EPHB1: variants seen among roughly 807,000 people sequenced by gnomAD.
EPHB1 encodes ephrin type-B receptor 1.
EPHB1 carries 30 observed loss-of-function variants against 94.4 expected under a neutral mutation model. The ratio of observed to expected loss-of-function variants is 0.32; its 90% CI spans 0.24 to 0.43. EPHB1 has a LOEUF of 0.43. Ranked by LOEUF, EPHB1 falls within the 20% of genes least tolerant of loss-of-function variation. The pLI is 1.00. For missense variants in EPHB1, 1,055 were observed against 1,308.3 expected, an observed-to-expected ratio of 0.81 and a Z score of 2.99; for synonymous variants, 522 against 489.1, an observed-to-expected ratio of 1.07 and a Z score of -0.89.
At chr3:135,020,682 G>A (rs1176529850) in intron 3 of EPHB1, among the ~76,000 whole-genome samples, 1 of 152,100 alleles carries the variant, frequency 6.6e-6, no homozygotes, top group African/African-American at 2.4e-5. Flanking sequence ...TTCCCTTTGT[G>A]ATCTACCCCT....
intron 3 of EPHB1, among the ~76,000 whole-genome samples, chr3:135,009,746 C>A (rs370740925): frequency 6.6e-6 from 1 of 152,330 alleles, no homozygotes; most frequent in African/African-American, 2.4e-5. Flanking sequence ...TTCTTTTAAC[C>A]TAGTTTTAAT....
At chr3:135,013,446 A>G (rs1044571777) in intron 3 of EPHB1, among the ~76,000 whole-genome samples, 1 of 152,180 alleles carries the variant, frequency 6.6e-6, no homozygotes, top group East Asian at 1.9e-4. Flanking sequence ...CTATATCACC[A>G]CCGCATACCG....
At chr3:134,872,654 A>G (rs149275008) in intron 1 of EPHB1, among the ~76,000 whole-genome samples, 210 of 152,298 alleles carry the variant, frequency 1.4e-3, no homozygotes, top group Non-Finnish European at 2.4e-3. Context: ...CAATTTACTC[A>G]ATTACATGAG....
In EPHB1 at chr3:135,259,420, C is replaced by T; in HGVS notation, c.*300C>T. 4.0e-6 allele frequency: 1 copy of T among 251,608 alleles called. No individual in the cohort carries two copies. 15.6% of individuals were successfully genotyped at this position (251,608 alleles called of 1,614,324 possible). A position where few individuals can be genotyped will look rare whatever the true frequency, so the allele number is the denominator to read the frequency against. ...GGAGAACAAGAGTAAACCCAGCTCC[C>T]ATTCTCAGTGGGCTGCAGTTGCCCA... On this transcript the variant is annotated 3_prime_UTR_variant, in exon 16 of 16. Transcript: ENST00000398015.
At chr3:134,972,102 A>G (rs1281438200) in intron 3 of EPHB1, among the ~76,000 whole-genome samples, 4 of 152,108 alleles carry the variant, frequency 2.6e-5, no homozygotes. Flanking sequence ...AGAAAGTAGC[A>G]TGTCTGAGAA....
intron 2 of EPHB1, among the ~76,000 whole-genome samples, chr3:134,936,085 G>C (rs928785890): frequency 6.6e-6 from 1 of 152,158 alleles, no homozygotes; most frequent in South Asian, 2.1e-4. Context: ...CTGAAGGAGT[G>C]TGAGGAGAGG....
intron 5 of EPHB1, 108 bp from the exon 6 acceptor site, chr3:135,154,044 C>G (rs1012327554): frequency 2.2e-5 from 32 of 1,449,268 alleles, no homozygotes; most frequent in East Asian, 6.9e-5. Context: ...AAAGAAGGAG[C>G]AGAGTTCAAG....
At position 135,077,426 on chromosome 3, in the gene EPHB1, C is replaced by T. The variant is rs572581234; in HGVS notation, c.806-29022C>T. Among the ~76,000 whole-genome samples, 7 of 152,350 alleles carry T rather than the reference C, an allele frequency of 4.6e-5. No homozygotes were observed. The East Asian group carries it at 1.4e-3, about 29-fold the overall frequency. On this transcript the variant is annotated intron_variant, in intron 3 of 15. Coordinates refer to ENST00000398015, the MANE Select transcript of EPHB1 (RefSeq NM_004441.5). ...TTGCAGTCACAGACTTGCCCCTCTC[C>T]CTGCTCTGATGTCAGCCGTCCCTCT...
At chr3:135,104,226 A>C (rs1939128633) in intron 3 of EPHB1, among the ~76,000 whole-genome samples, 1 of 152,192 alleles carries the variant, frequency 6.6e-6, no homozygotes, top group Non-Finnish European at 1.5e-5. Flanking sequence ...ATTTATTAGG[A>C]AAAGAGCCAA....
chr3:134,882,700 TTTCC>T (rs1372984258), intron 1 of EPHB1, among the ~76,000 whole-genome samples: 3 of 151,630 alleles, frequency 2.0e-5, no homozygotes, highest in East Asian at 3.9e-4. Context: ...TCTTTCCTTC[TTTCC>T]TTCCTTCCTT....
chr3:134,863,065 G>A (rs1480766142), intron 1 of EPHB1, among the ~76,000 whole-genome samples: 1 of 152,214 alleles, frequency 6.6e-6, no homozygotes, highest in Non-Finnish European at 1.5e-5. Context: ...ATGGCCTCAT[G>A]CCACCTGGGT....
chr3:135,218,551 T>A (rs1943206205), intron 12 of EPHB1, among the ~76,000 whole-genome samples: 1 of 152,172 alleles, frequency 6.6e-6, no homozygotes. Context: ...ATCTCTCCAT[T>A]CTGGGCCCCA....
intron 3 of EPHB1, among the ~76,000 whole-genome samples, chr3:135,045,841 T>C (rs55891032): frequency 0.018 from 2,744 of 152,344 alleles, 95 homozygotes; most frequent in African/African-American, 0.063. Context: ...GCAATATTAA[T>C]GCAAAACTTT....
At chr3:134,970,527 G>A (rs1437437050) in intron 3 of EPHB1, among the ~76,000 whole-genome samples, 4 of 152,180 alleles carry the variant, frequency 2.6e-5, no homozygotes, top group African/African-American at 9.7e-5. Flanking sequence ...ACTGATTTAT[G>A]ATGTGTATTG....
At chr3:135,090,145 T>C (rs1938504779) in intron 3 of EPHB1, among the ~76,000 whole-genome samples, 1 of 152,234 alleles carries the variant, frequency 6.6e-6, no homozygotes. Context: ...TCTGTTGCAG[T>C]GGGAGGCCTC....
chr3:135,120,621 G>A (rs987191046), intron 4 of EPHB1, among the ~76,000 whole-genome samples: 1 of 152,174 alleles, frequency 6.6e-6, no homozygotes, highest in Non-Finnish European at 1.5e-5. Context: ...ACCCTGGAAA[G>A]TATACTTACC....
intron 3 of EPHB1, among the ~76,000 whole-genome samples, chr3:134,972,528 T>A (rs1468327236): frequency 1.0e-5 from 1 of 98,714 alleles, no homozygotes; most frequent in Non-Finnish European, 2.0e-5. Flanking sequence ...ATATATTTAT[T>A]ATAAATATAT....
chr3:134,928,062 A>T (rs1396699586), intron 2 of EPHB1, among the ~76,000 whole-genome samples: 1 of 152,210 alleles, frequency 6.6e-6, no homozygotes, highest in East Asian at 1.9e-4. Flanking sequence ...TCAGACTCAC[A>T]TGTCTAGCTG....
intron 3 of EPHB1, among the ~76,000 whole-genome samples, chr3:134,977,653 A>G (rs941103847): frequency 6.6e-6 from 1 of 152,094 alleles, no homozygotes; most frequent in Admixed American, 6.6e-5. Context: ...ATCTGTGTGT[A>G]GAGGGTGCTC....
Sources: gnomAD v4.1 joint callset for allele counts (sites outside exome capture counted in the v4.1 genomes callset) on GRCh38, gnomAD v4.1.1 for gene constraint, MANE v1.5 for transcripts, NCBI Gene and HGNC (gene_info 2026-07-23, HGNC 2026-07-21) for gene names.